The following BAZ1B variants were observed in gnomAD, a reference collection of about 807,000 sequenced individuals.
BAZ1B encodes the protein bromodomain adjacent to zinc finger domain 1B.
BAZ1B carries 22 observed loss-of-function variants against 153.8 expected under a neutral mutation model. That is an observed-to-expected ratio of 0.14 (90% CI 0.10 to 0.20). BAZ1B has a LOEUF of 0.20. Ranked by LOEUF, BAZ1B falls within the 10% of genes least tolerant of loss-of-function variation. The pLI is 1.00. For synonymous variants in BAZ1B, 676 were observed against 633.4 expected (o/e 1.07, Z -1.01); for missense variants, 1,325 against 1,799.3 (o/e 0.74, Z 4.77).
chr7:73,504,203 A>C lies in BAZ1B; in HGVS notation c.369+4124T>G, dbSNP rs189366982. ...CCATCTGTTTCCTGCCAGGACACTG[A>C]CTGATATAAAGTATGTGATTAGAAC... On this transcript the variant is annotated intron_variant, in intron 3 of 19. Coordinates refer to ENST00000339594, the MANE Select transcript of BAZ1B (RefSeq NM_032408.4). Among the ~76,000 whole-genome samples, 346 of 152,258 alleles carry C rather than the reference A, an allele frequency of 2.3e-3. 2 individuals carry two copies. Among genetic ancestry groups the C allele is most frequent in the African/African-American group, 8.2e-3 (340 of 41,570 alleles).
chr7:73,522,018 G>C lies in BAZ1B; in HGVS notation c.-85C>G. 1 of 1,003,562 alleles carries C rather than the reference G, an allele frequency of 1.0e-6. No individual in the cohort carries two copies. Among genetic ancestry groups the C allele is most frequent in the Non-Finnish European group, 1.3e-6 (1 of 781,424 alleles). 62.2% of individuals were successfully genotyped at this position (1,003,562 alleles called of 1,614,324 possible). A position where few individuals can be genotyped will look rare whatever the true frequency, so the allele number is the denominator to read the frequency against. ...GCCCCGCGGCCCGGAGCGAGCGCCAGGCGCCCGGGGGTGGGGTGGGGGAAG... is the reference window on the plus strand; with the variant it reads ...GCCCCGCGGCCCGGAGCGAGCGCCACGCGCCCGGGGGTGGGGTGGGGGAAG... On this transcript the variant is annotated 5_prime_UTR_variant, in exon 1 of 20. Transcript: ENST00000339594.
intron 13 of BAZ1B, among the ~76,000 whole-genome samples, chr7:73,453,799 T>C (rs1222095022): frequency 3.3e-5 from 5 of 149,626 alleles, no homozygotes; most frequent in Non-Finnish European, 7.4e-5. Flanking sequence ...AGCAACATGG[T>C]GAAACCTTGC....
intron 16 of BAZ1B, 29 bp downstream of exon 16, chr7:73,447,235 T>G: frequency 6.2e-7 from 1 of 1,612,874 alleles, no homozygotes; most frequent in Non-Finnish European, 8.5e-7. Context: ...GACTGTGAAA[T>G]CAACTACAAA....
rs71300785 is a variant in BAZ1B, at chr7:73,454,133, TATAAATAA to T, written c.3433-3147_3433-3140del. Among the ~76,000 whole-genome samples the T allele has an allele frequency of 5.3e-3, 778 of 146,864 alleles. 8 individuals carry two copies. The highest frequency in any genetic ancestry group is 0.035 in the East Asian group (179 of 5,088). ...GGGCAATGTAGGGAAACCCCTTCTC[TATAAATAA>T]ATAAATAAATAAATAAATAAATAAA... On this transcript the variant is annotated intron_variant, in intron 13 of 19. Transcript: ENST00000339594.
At chr7:73,497,746 T>C (rs1789973146) in intron 4 of BAZ1B, among the ~76,000 whole-genome samples, 1 of 151,660 alleles carries the variant, frequency 6.6e-6, no homozygotes, top group South Asian at 2.1e-4. Flanking sequence ...ACCTGTACAG[T>C]TCAAACCTAT....
rs553146938 is a variant in BAZ1B at position 73,442,718 on chromosome 7, C to G, written c.4094+7G>C. ...CTCTCCCCTGCACCTGAGAACACAGCACTCACCTGAAGGGCCAGCTGAAGC... is the reference window on the plus strand; with the variant it reads ...CTCTCCCCTGCACCTGAGAACACAGGACTCACCTGAAGGGCCAGCTGAAGC... On this transcript the variant is annotated splice_region_variant and intron_variant, in intron 18 of 19. Coordinates refer to ENST00000339594, the MANE Select transcript of BAZ1B (RefSeq NM_032408.4). 5.1e-5 allele frequency: 83 copies of G among 1,613,044 alleles called. No individual in the cohort carries two copies. In the South Asian group the frequency reaches 8.8e-4, roughly 17 times the overall value.
chr7:73,511,414 A>G (rs573874125), intron 1 of BAZ1B, among the ~76,000 whole-genome samples: 4 of 152,276 alleles, frequency 2.6e-5, no homozygotes, highest in Non-Finnish European at 4.4e-5. Flanking sequence ...CTCTAATCTC[A>G]GCATTTTGAG....
chr7:73,459,864 T>G (rs1481273760), intron 12 of BAZ1B, 146 bp from the exon 13 acceptor site: 1 of 722,638 alleles, frequency 1.4e-6, no homozygotes, highest in Admixed American at 3.0e-5. Context: ...TTAATTTAAC[T>G]GTGCTCCTCA....
At chr7:73,490,249 G>T (rs2116381825) in intron 5 of BAZ1B, among the ~76,000 whole-genome samples, 1 of 152,272 alleles carries the variant, frequency 6.6e-6, no homozygotes, top group Non-Finnish European at 1.5e-5. Flanking sequence ...ATTAAAATCT[G>T]AGAACACTGT....
At chr7:73,475,907 G>C (rs1363392951) in intron 7 of BAZ1B, among the ~76,000 whole-genome samples, 2 of 137,082 alleles carry the variant, frequency 1.5e-5, no homozygotes, top group Non-Finnish European at 3.1e-5. Context: ...CTGGGTGACA[G>C]AGCGAGACTC....
chr7:73,451,641 T>C (rs919921418), intron 13 of BAZ1B, among the ~76,000 whole-genome samples: 10 of 152,204 alleles, frequency 6.6e-5, no homozygotes, highest in Non-Finnish European at 1.3e-4. Flanking sequence ...GGATAAGTAA[T>C]ATAAACACAC....
At chr7:73,463,397 A>C (rs1329219664) in intron 11 of BAZ1B, among the ~76,000 whole-genome samples, 4 of 150,726 alleles carry the variant, frequency 2.7e-5, no homozygotes, top group African/African-American at 9.7e-5. Flanking sequence ...ACCCCTCCAC[A>C]CCTGGCTATA....
intron 1 of BAZ1B, among the ~76,000 whole-genome samples, chr7:73,514,513 A>G (rs1790713222): frequency 6.6e-6 from 1 of 151,492 alleles, no homozygotes. Context: ...AGCCTGGGCA[A>G]CAAGAGTGAA....
intron 13 of BAZ1B, among the ~76,000 whole-genome samples, chr7:73,457,782 T>C (rs1788258059): frequency 6.6e-6 from 1 of 152,050 alleles, no homozygotes; most frequent in Non-Finnish European, 1.5e-5. Context: ...CACAAGCTCC[T>C]GAAAGGCAAG....
intron 9 of BAZ1B, among the ~76,000 whole-genome samples, chr7:73,467,319 T>G (rs1554571326): frequency 1.3e-5 from 2 of 152,192 alleles, no homozygotes; most frequent in Non-Finnish European, 2.9e-5. Context: ...GAAACATCTC[T>G]GCAATACTAA....
intron 6 of BAZ1B, 114 bp from the exon 7 acceptor site, chr7:73,478,683 A>T (rs1456382549): frequency 6.0e-6 from 5 of 832,818 alleles, no homozygotes; most frequent in Middle Eastern, 3.8e-4. Context: ...CTACATATTC[A>T]TATCTCTTCA....
chr7:73,455,072 A>C (rs1554569352), intron 13 of BAZ1B, among the ~76,000 whole-genome samples: 2 of 151,536 alleles, frequency 1.3e-5, no homozygotes, highest in Non-Finnish European at 2.9e-5. Context: ...TTTTTAGAAG[A>C]GACCGGTTTT....
At chr7:73,504,916 C>A (rs1297845454) in intron 3 of BAZ1B, among the ~76,000 whole-genome samples, 4 of 152,106 alleles carry the variant, frequency 2.6e-5, no homozygotes, top group Non-Finnish European at 4.4e-5. Flanking sequence ...AGAAAGGAGT[C>A]AGAGTAAATT....
intron 6 of BAZ1B, among the ~76,000 whole-genome samples, chr7:73,481,379 C>T (rs1054429276): frequency 5.3e-5 from 8 of 151,598 alleles, no homozygotes; most frequent in African/African-American, 1.7e-4. Flanking sequence ...TAGCCAGGTG[C>T]GGTGGCGGGC....
Sources: allele counts gnomAD v4.1 joint callset (sites outside exome capture counted in the v4.1 genomes callset), GRCh38; gene constraint gnomAD v4.1.1; transcripts MANE v1.5; gene names NCBI Gene and HGNC (gene_info 2026-07-23, HGNC 2026-07-21).